Variants in DCHS2 observed in about 807,000 individuals in gnomAD.
DCHS2 encodes the protein dachsous cadherin-related 2.
In DCHS2, 142 loss-of-function variants were observed where a neutral mutation model predicts 182.4. The observed-to-expected ratio is 0.78, with a 90% CI of 0.68 to 0.89. The LOEUF (loss-of-function observed/expected upper bound fraction) is 0.89, where lower values mean the gene tolerates loss of function less well. Ranked by LOEUF, DCHS2 falls within the 40% of genes least tolerant of loss-of-function variation. The probability of loss-of-function intolerance (pLI) is 0.00; values close to 1 mark genes in which losing one functional copy is unlikely to be tolerated. For synonymous variants in DCHS2, 1,740 were observed against 1,663.3 expected (o/e 1.05, Z -1.12); for missense variants, 4,319 against 4,198.6 (o/e 1.03, Z -0.79).
In DCHS2 at chr4:154,322,490, T is replaced by C. The variant is rs777760894; in HGVS notation, c.4019-2A>G. On this transcript the variant is annotated splice_acceptor_variant, in intron 7 of 19. Coordinates refer to ENST00000357232, the MANE Select transcript of DCHS2 (RefSeq NM_001358235.2). LOFTEE classifies it high-confidence loss of function. ...TCTTAAAGTGATCAGAACTATCTTC[T>C]ACACACACAAGAAAATTAAGAAATG... The C allele has an allele frequency of 6.3e-7, 1 of 1,590,078 alleles. No homozygotes were observed. The highest frequency in any genetic ancestry group is 1.3e-5 in the African/African-American group (1 of 74,262).
At chr4:154,424,985 T>C (rs1045594105) in intron 1 of DCHS2, among the ~76,000 whole-genome samples, 1 of 152,188 alleles carries the variant, frequency 6.6e-6, no homozygotes, top group Non-Finnish European at 1.5e-5. Flanking sequence ...TTAATTAACA[T>C]CTTTTCCAAG....
At chr4:154,288,671 C>T (rs1734519328) in intron 13 of DCHS2, among the ~76,000 whole-genome samples, 1 of 152,072 alleles carries the variant, frequency 6.6e-6, no homozygotes, top group Non-Finnish European at 1.5e-5. Context: ...ATATGTTAGG[C>T]TGCAAAACAA....
chr4:154,301,404 A>C (rs1735189484), intron 12 of DCHS2, among the ~76,000 whole-genome samples: 1 of 152,246 alleles, frequency 6.6e-6, no homozygotes, highest in African/African-American at 2.4e-5. Flanking sequence ...TAAAAAGGTG[A>C]GCAAGGATTT....
Position 154,321,414 on chromosome 4 carries a change from G to T in DCHS2, c.4177-192C>A, listed in dbSNP as rs115128455. 6.4e-3 allele frequency among the ~76,000 whole-genome samples: 971 copies of T among 152,158 alleles called. 17 individuals are homozygous for T. The highest frequency in any genetic ancestry group is 8.1e-3 in the Non-Finnish European group (550 of 67,984). ...AAGATCAAAAACTGCATAATATTTA[G>T]GAGATAACAGCTACAGAATTTTCTA... On this transcript the variant is annotated intron_variant, in intron 8 of 19. Coordinates refer to ENST00000357232, the MANE Select transcript of DCHS2 (RefSeq NM_001358235.2).
chr4:154,306,822 C>T (rs1735457982), intron 10 of DCHS2, among the ~76,000 whole-genome samples: 1 of 152,102 alleles, frequency 6.6e-6, no homozygotes, highest in Non-Finnish European at 1.5e-5. Context: ...CTTGCCAAAC[C>T]TAGAAAATGT....
At chr4:154,367,558 C>T (rs1730442135) in intron 2 of DCHS2, among the ~76,000 whole-genome samples, 1 of 152,066 alleles carries the variant, frequency 6.6e-6, no homozygotes, top group Non-Finnish European at 1.5e-5. Flanking sequence ...GAAAATAATC[C>T]TCTGCAATTT....
rs1373912801 is a variant in DCHS2, at chr4:154,232,801, T to C, written c.*1735A>G. 1 of 152,046 alleles carries C rather than the reference T, an allele frequency of 6.6e-6. No homozygotes were observed. Among genetic ancestry groups the C allele is most frequent in the East Asian group, 1.9e-4 (1 of 5,196 alleles). The allele number at this position is 152,046 out of a possible 1,614,324, so 9.4% of individuals were successfully genotyped here. A position where few individuals can be genotyped will look rare whatever the true frequency, so the allele number is the denominator to read the frequency against. ...CAGGAAGAAAAGGAGAAACATCATA[T>C]ATCAGTCCCATAGTATTTAAATTTT... On this transcript the variant is annotated 3_prime_UTR_variant, in exon 20 of 20. Transcript: ENST00000357232.
chr4:154,418,000 T>C (rs1282526123), intron 1 of DCHS2, among the ~76,000 whole-genome samples: 1 of 152,236 alleles, frequency 6.6e-6, no homozygotes, highest in South Asian at 2.1e-4. Flanking sequence ...AATCCTTAAA[T>C]GATATTAGTA....
At chr4:154,343,500 T>C in intron 3 of DCHS2, 2 of 1,487,644 alleles carry the variant, frequency 1.3e-6, no homozygotes, top group Admixed American at 2.1e-5. Flanking sequence ...ATTTGCTACA[T>C]ACCTTGCTGC....
In DCHS2 at chr4:154,298,040, C is replaced by CT; in HGVS notation, c.6273dup (p.Glu2092ArgfsTer54). 6.2e-7 allele frequency: 1 copy of CT among 1,614,082 alleles called. No homozygotes were observed. Among genetic ancestry groups the CT allele is most frequent in the Middle Eastern group, 1.6e-4 (1 of 6,062 alleles). On this transcript the variant is annotated frameshift_variant, in exon 13 of 20. Coordinates refer to ENST00000357232, the MANE Select transcript of DCHS2 (RefSeq NM_001358235.2). LOFTEE classifies it high-confidence loss of function. The stretch of plus-strand genomic sequence containing the variant: ...GATGGATTTTGCTGAAATTGAATTT[C>CT]TCCTGTGTATTTATCAATAGAAAAC...
intron 1 of DCHS2, among the ~76,000 whole-genome samples, chr4:154,412,269 C>A (rs1381964057): frequency 6.6e-6 from 1 of 152,088 alleles, no homozygotes; most frequent in Non-Finnish European, 1.5e-5. Context: ...TCTCTCTGAG[C>A]GCAGAGCAAA....
At chr4:154,295,907 G>C (rs545464299) in intron 13 of DCHS2, among the ~76,000 whole-genome samples, 128 of 152,164 alleles carry the variant, frequency 8.4e-4, no homozygotes, top group South Asian at 7.5e-3. Flanking sequence ...CTGGAAGAAG[G>C]GTTTTTCCTT....
rs753624586 is a variant in DCHS2 at position 154,259,510 on chromosome 4, A to G, written c.6789+35T>C. The G allele has an allele frequency of 3.1e-6, 5 of 1,600,842 alleles. No homozygotes were observed. The Admixed American group carries it at 6.7e-5, about 21-fold the overall frequency. On this transcript the variant is annotated intron_variant, in intron 15 of 19. Coordinates refer to ENST00000357232, the MANE Select transcript of DCHS2 (RefSeq NM_001358235.2). ...CTCACACAGACACACCCACACACAC[A>G]CACACACACACACACACAAATATAT...
intron 2 of DCHS2, chr4:154,373,915 C>T (rs1343507192): frequency 6.2e-7 from 1 of 1,602,556 alleles, no homozygotes; most frequent in East Asian, 2.3e-5. Flanking sequence ...CATCATGTTC[C>T]TTACCTTCAC....
At chr4:154,363,168 G>A (rs1730200916) in intron 3 of DCHS2, among the ~76,000 whole-genome samples, 1 of 152,054 alleles carries the variant, frequency 6.6e-6, no homozygotes, top group South Asian at 2.1e-4. Context: ...TCCTTTAAAA[G>A]TTAAAAATAG....
intron 1 of DCHS2, among the ~76,000 whole-genome samples, chr4:154,456,879 T>A (rs2110988508): frequency 1.3e-5 from 2 of 152,318 alleles, no homozygotes; most frequent in South Asian, 4.1e-4. Context: ...GTAGGTAAAC[T>A]GTTATTGCCA....
At chr4:154,283,172 T>C (rs1254791691) in intron 13 of DCHS2, among the ~76,000 whole-genome samples, 1 of 152,122 alleles carries the variant, frequency 6.6e-6, no homozygotes, top group Non-Finnish European at 1.5e-5. Flanking sequence ...TATGTGTTTT[T>C]AACACAATAA....
Position 154,298,487 on chromosome 4 carries a change from TCA to T in DCHS2, c.5825_5826del (p.Val1942GlufsTer5). ...SFPTLYYQSS[V>X]REDAEVGTVV... is the part of the protein sequence containing the mutation. ...ACTGTTCCCACTTCAGCATCTTCTC[TCA>T]CAGAGGACTGGTAATAAAGTGTGGG... On this transcript the variant is annotated frameshift_variant, in exon 13 of 20. Coordinates refer to ENST00000357232, the MANE Select transcript of DCHS2 (RefSeq NM_001358235.2). LOFTEE classifies it high-confidence loss of function. 6.2e-7 allele frequency: 1 copy of T among 1,614,104 alleles called. No homozygotes were observed. The highest frequency in any genetic ancestry group is 8.5e-7 in the Non-Finnish European group (1 of 1,179,984).
At chr4:154,271,601 G>A (rs145390568) in intron 13 of DCHS2, among the ~76,000 whole-genome samples, 9 of 152,216 alleles carry the variant, frequency 5.9e-5, no homozygotes, top group South Asian at 2.1e-4. Context: ...TACAGCAGCC[G>A]GAAGGGTCCC....
Sources: allele counts gnomAD v4.1 joint callset (sites outside exome capture counted in the v4.1 genomes callset), GRCh38; gene constraint gnomAD v4.1.1; transcripts MANE v1.5; gene names NCBI Gene and HGNC (gene_info 2026-07-23, HGNC 2026-07-21).